APP: variants seen among roughly 807,000 people sequenced by gnomAD.
APP encodes the protein amyloid beta precursor protein.
In APP, 31 loss-of-function variants were observed where a neutral mutation model predicts 101.4. The ratio of observed to expected loss-of-function variants is 0.31; its 90% confidence interval spans 0.23 to 0.41. The LOEUF (loss-of-function observed/expected upper bound fraction) is 0.41, where lower values mean the gene tolerates loss of function less well. APP is among the 10% of genes least tolerant of loss of function. APP has a pLI of 1.00. For missense variants in APP, 839 were observed against 1,003.7 expected (o/e 0.84, Z 2.22); for synonymous variants, 366 against 364.4 (o/e 1.00, Z -0.05).
chr21:26,104,891 G>C (rs569616322), intron 2 of APP, among the ~76,000 whole-genome samples: 22 of 152,172 alleles, frequency 1.4e-4, no homozygotes, highest in African/African-American at 5.1e-4. Context: ...CCTAGGACCA[G>C]ACTGTTAACA....
intron 2 of APP, among the ~76,000 whole-genome samples, chr21:26,101,810 T>G (rs2062063483): frequency 6.6e-6 from 1 of 152,152 alleles, no homozygotes; most frequent in African/African-American, 2.4e-5. Context: ...AATAAGACCC[T>G]CCAATTTGCA....
chr21:26,068,097 A>C (rs2046530703), intron 3 of APP: 1 of 152,210 alleles, frequency 6.6e-6, no homozygotes. Flanking sequence ...GGGAAGGTAA[A>C]AATATACAGC....
chr21:25,923,632 G>C (rs1404637016), intron 13 of APP, among the ~76,000 whole-genome samples: 7 of 141,962 alleles, frequency 4.9e-5, no homozygotes, highest in African/African-American at 1.9e-4. Context: ...ATGAAAAAAT[G>C]CTCACCATCA....
At position 26,018,897 on chromosome 21, in the gene APP, A is replaced by G. The variant is rs142646549; in HGVS notation, c.865+2943T>C. Among the ~76,000 whole-genome samples the G allele has an allele frequency of 2.1e-3, 315 of 152,348 alleles. 1 individual carries two copies. Among genetic ancestry groups the G allele is most frequent in the African/African-American group, 7.2e-3 (299 of 41,576 alleles). On this transcript the variant is annotated intron_variant, in intron 6 of 17. Coordinates refer to ENST00000346798, the MANE Select transcript of APP (RefSeq NM_000484.4). The stretch of plus-strand genomic sequence containing the variant: ...CTTTTAACTGCCTTCGTCTTTCTAC[A>G]GGAAATAAAACAATACAACATCTCT...
chr21:26,117,934 T>C (rs948403137), intron 1 of APP, among the ~76,000 whole-genome samples: 3 of 152,242 alleles, frequency 2.0e-5, no homozygotes, highest in African/African-American at 7.2e-5. Flanking sequence ...CCTGGAAACC[T>C]GAAATTCTTT....
intron 1 of APP, among the ~76,000 whole-genome samples, chr21:26,122,335 T>C (rs1309431301): frequency 6.6e-6 from 1 of 152,230 alleles, no homozygotes; most frequent in African/African-American, 2.4e-5. Flanking sequence ...ATCTTTACAA[T>C]TTCTAATACC....
chr21:26,102,832 G>A (rs981516085), intron 2 of APP, among the ~76,000 whole-genome samples: 2 of 139,000 alleles, frequency 1.4e-5, no homozygotes, highest in African/African-American at 5.3e-5. Context: ...AAAGAATGCA[G>A]TGAGCCAAGA....
chr21:26,111,968 A>T lies in APP; in HGVS notation c.225+11T>A, dbSNP rs1293122936. 6.2e-7 allele frequency: 1 copy of T among 1,613,882 alleles called. No homozygotes were observed. The highest frequency in any genetic ancestry group is 2.2e-5 in the East Asian group (1 of 44,884). On this transcript the variant is annotated intron_variant, in intron 2 of 17. Transcript: ENST00000346798. ...TCCAACGTGAATTGCTAGCCACCGG[A>T]CAGGACTTACTTCTTGGCAATACTG... is the stretch of plus-strand genomic sequence containing the variant.
rs557227002 is a variant in APP at position 26,000,158 on chromosome 21, G to A, written c.890C>T (p.Thr297Met). 129 of 1,614,086 alleles carry A rather than the reference G, an allele frequency of 8.0e-5. 2 individuals carry two copies. The South Asian group carries it at 1.1e-3, about 14-fold the overall frequency. Residue 297 changes from threonine to methionine, a missense_variant, in exon 7 of 18, where the codon ACG becomes ATG. Coordinates refer to ENST00000346798, the MANE Select transcript of APP (RefSeq NM_000484.4). ...GGAGATCATTGCTCGGCACGGCCCCGTCTCGGCTTGTTCAGAGCACACCTC... is the reference window on the plus strand; with the variant it reads ...GGAGATCATTGCTCGGCACGGCCCCATCTCGGCTTGTTCAGAGCACACCTC... ...VREVCSEQAETGPCRAMISRW... is the reference protein window; with the variant it reads ...VREVCSEQAEMGPCRAMISRW...
chr21:25,954,606 C>G lies in APP; in HGVS notation c.1671G>C (p.Glu557Asp). Residue 557 changes from glutamate to aspartate, a missense_variant, in exon 13 of 18, where the codon GAG becomes GAC. By Grantham distance (45) the Glu-to-Asp change is conservative. Transcript: ENST00000346798. ...LLYNVPAVAEEIQDEVDELLQ... is the reference protein window; with the variant it reads ...LLYNVPAVAEDIQDEVDELLQ... The stretch of plus-strand genomic sequence containing the variant: ...CTTACTTACCAACTTCATCCTGAAT[C>G]TCCTCGGCCACTGCAGGCACGTTGT... The G allele has an allele frequency of 1.2e-6, 2 of 1,613,802 alleles. No individual in the cohort carries two copies. Among genetic ancestry groups the G allele is most frequent in the Non-Finnish European group, 1.7e-6 (2 of 1,179,746 alleles).
chr21:26,165,761 A>C (rs538110203), intron 1 of APP, among the ~76,000 whole-genome samples: 1 of 152,200 alleles, frequency 6.6e-6, no homozygotes, highest in Non-Finnish European at 1.5e-5. Context: ...CACACAAAAT[A>C]AACCTAAATA....
At chr21:25,970,224 A>T (rs2041979032) in intron 11 of APP, among the ~76,000 whole-genome samples, 2 of 152,110 alleles carry the variant, frequency 1.3e-5, no homozygotes, top group Non-Finnish European at 1.5e-5. Flanking sequence ...ACCACTCTAA[A>T]ATTATCCCCT....
intron 6 of APP, among the ~76,000 whole-genome samples, chr21:26,000,464 A>G (rs1180849032): frequency 6.6e-6 from 1 of 152,216 alleles, no homozygotes; most frequent in Non-Finnish European, 1.5e-5. Context: ...CTTTTAGATG[A>G]GTATGAAATG....
intron 11 of APP, among the ~76,000 whole-genome samples, chr21:25,971,256 C>G (rs1174123768): frequency 6.6e-6 from 1 of 152,142 alleles, no homozygotes; most frequent in Admixed American, 6.5e-5. Flanking sequence ...CCATGTTGGC[C>G]AGGATGGTCT....
intron 6 of APP, among the ~76,000 whole-genome samples, chr21:26,008,264 A>G (rs2146714080): frequency 6.6e-6 from 1 of 152,332 alleles, no homozygotes; most frequent in Admixed American, 6.5e-5. Context: ...TATTTAGACT[A>G]ATCAGGACTC....
intron 1 of APP, among the ~76,000 whole-genome samples, chr21:26,113,433 C>T (rs749129695): frequency 2.0e-5 from 3 of 152,120 alleles, no homozygotes; most frequent in African/African-American, 4.8e-5. Flanking sequence ...ACACATACTT[C>T]GTCAAAACCC....
intron 11 of APP, among the ~76,000 whole-genome samples, chr21:25,967,318 A>G (rs2041833415): frequency 6.6e-6 from 1 of 152,250 alleles, no homozygotes; most frequent in African/African-American, 2.4e-5. Flanking sequence ...GAAAAAATCC[A>G]AACAACACAA....
intron 2 of APP, among the ~76,000 whole-genome samples, chr21:26,099,480 C>A (rs2062013190): frequency 6.6e-6 from 1 of 152,116 alleles, no homozygotes; most frequent in Admixed American, 6.6e-5. Context: ...GAAACTAGAA[C>A]AACTAAAATC....
intron 13 of APP, among the ~76,000 whole-genome samples, chr21:25,912,309 A>G (rs1355104293): frequency 6.6e-6 from 1 of 152,192 alleles, no homozygotes; most frequent in East Asian, 1.9e-4. Flanking sequence ...AGACGTCCCT[A>G]GTATACAATG....
Sources: gnomAD v4.1 joint callset for allele counts (sites outside exome capture counted in the v4.1 genomes callset) on GRCh38, gnomAD v4.1.1 for gene constraint, MANE v1.5 for transcripts, NCBI Gene and HGNC (gene_info 2026-07-23, HGNC 2026-07-21) for gene names.